GRIK2: variants seen among roughly 807,000 people sequenced by gnomAD.
GRIK2 encodes glutamate receptor ionotropic, kainate 2.
GRIK2 carries 32 observed loss-of-function variants against 100.3 expected under a neutral mutation model. That is an observed-to-expected ratio of 0.32 (90% CI 0.24 to 0.43). The LOEUF is 0.43. Ranked by LOEUF, GRIK2 falls within the 20% of genes least tolerant of loss-of-function variation. GRIK2 has a pLI of 1.00. For missense variants in GRIK2, 843 were observed against 1,114.9 expected (o/e 0.76, Z 3.47); for synonymous variants, 417 against 389.4 (o/e 1.07, Z -0.83).
In GRIK2 at chr6:101,413,580, C is replaced by T. The variant is rs1351908679; in HGVS notation, c.115+14188C>T. ...ACATGCTTGATTATTTTTAGAAATA[C>T]ATTACATGGGGGATCCTAATGAGAT... On this transcript the variant is annotated intron_variant, in intron 2 of 16. Coordinates refer to ENST00000369134, the MANE Select transcript of GRIK2 (RefSeq NM_021956.5). Among the ~76,000 whole-genome samples, 5 of 151,926 alleles carry T rather than the reference C, an allele frequency of 3.3e-5. No individual in the cohort carries two copies. The South Asian group carries it at 8.3e-4, about 25-fold the overall frequency.
intron 14 of GRIK2, among the ~76,000 whole-genome samples, chr6:101,937,328 A>G (rs111688090): frequency 0.01 from 1,590 of 152,216 alleles, 12 homozygotes; most frequent in South Asian, 0.043. Context: ...CAGCTCAAAC[A>G]CTGTGTCCCA....
chr6:101,548,948 A>T (rs1446797091), intron 2 of GRIK2, among the ~76,000 whole-genome samples: 1 of 152,150 alleles, frequency 6.6e-6, no homozygotes, highest in Non-Finnish European at 1.5e-5. Flanking sequence ...TAGATAGTCC[A>T]TGTTCCCTTC....
chr6:101,772,804 C>T (rs890486624), intron 7 of GRIK2, among the ~76,000 whole-genome samples: 4 of 151,910 alleles, frequency 2.6e-5, no homozygotes, highest in Non-Finnish European at 5.9e-5. Context: ...ATAGGAACTA[C>T]TCCAGATGAA....
At chr6:101,494,394 T>C in intron 2 of GRIK2, among the ~76,000 whole-genome samples, 1 of 152,028 alleles carries the variant, frequency 6.6e-6, no homozygotes, top group African/African-American at 2.4e-5. Context: ...AGTTATAATT[T>C]TGGCTAAACT....
intron 2 of GRIK2, among the ~76,000 whole-genome samples, chr6:101,608,247 A>G (rs1018833047): frequency 1.3e-5 from 2 of 151,864 alleles, no homozygotes; most frequent in Non-Finnish European, 2.9e-5. Context: ...CTATTTTATT[A>G]GCCATATATT....
intron 10 of GRIK2, among the ~76,000 whole-genome samples, chr6:101,848,109 T>C (rs1276678385): frequency 6.6e-6 from 1 of 152,094 alleles, no homozygotes. Context: ...CTATGGTGTG[T>C]ATGACCTGCA....
intron 14 of GRIK2, among the ~76,000 whole-genome samples, chr6:101,969,405 C>G (rs552103135): frequency 6.6e-6 from 1 of 151,782 alleles, no homozygotes; most frequent in Non-Finnish European, 1.5e-5. Context: ...TATGTTATTT[C>G]TCAGTGGCTT....
chr6:101,629,694 G>T (rs2786247), intron 4 of GRIK2, among the ~76,000 whole-genome samples: 25,027 of 151,852 alleles, frequency 0.16, 2,159 homozygotes, highest in African/African-American at 0.23. Context: ...TTGTTTATGT[G>T]TCAAAGTCTC....
At chr6:101,889,605 CTTTTTTTTT>C in intron 11 of GRIK2, 26 bp from the exon 12 acceptor site, 1 of 711,240 alleles carries the variant, frequency 1.4e-6, no homozygotes, top group Non-Finnish European at 2.2e-6. Context: ...TTCTTTCTTT[CTTTTTTTTT>C]TTTTTTTGTT....
chr6:101,707,429 C>A (rs1399030117), intron 7 of GRIK2, among the ~76,000 whole-genome samples: 2 of 145,846 alleles, frequency 1.4e-5, no homozygotes, highest in Non-Finnish European at 3.0e-5. Flanking sequence ...TAAATATATT[C>A]TTTTATATAC....
intron 14 of GRIK2, among the ~76,000 whole-genome samples, chr6:101,963,512 T>TC (rs1792455633): frequency 7.2e-6 from 1 of 138,786 alleles, no homozygotes; most frequent in Non-Finnish European, 1.5e-5. Context: ...TTTCTTTCTT[T>TC]TTTTTTTTTT....
At chr6:101,587,226 G>A (rs1237081286) in intron 2 of GRIK2, among the ~76,000 whole-genome samples, 1 of 152,042 alleles carries the variant, frequency 6.6e-6, no homozygotes, top group African/African-American at 2.4e-5. Flanking sequence ...AGAAATATAA[G>A]AGATGGTTTA....
intron 7 of GRIK2, among the ~76,000 whole-genome samples, chr6:101,719,911 C>T (rs1404041444): frequency 6.6e-6 from 1 of 151,404 alleles, no homozygotes; most frequent in Non-Finnish European, 1.5e-5. Context: ...TTTTTTAGGT[C>T]ATACATTTTC....
rs934518206 is a variant in GRIK2 at position 101,898,282 on chromosome 6, A to G, written c.1748+8419A>G. ...GTGACACTAAAGAAAAAATAAATTT[A>G]GAAGAAAATGGAAAACATATTCAGA... is the stretch of plus-strand genomic sequence containing the variant. On this transcript the variant is annotated intron_variant, in intron 12 of 16. Transcript: ENST00000369134. Among the ~76,000 whole-genome samples, 3 of 151,922 alleles carry G rather than the reference A, an allele frequency of 2.0e-5. No homozygotes were observed. The South Asian group carries it at 6.2e-4, about 31-fold the overall frequency.
At chr6:101,987,087 G>A (rs1456430815) in intron 14 of GRIK2, among the ~76,000 whole-genome samples, 3 of 151,878 alleles carry the variant, frequency 2.0e-5, no homozygotes, top group African/African-American at 7.2e-5. Context: ...AATTTGCAAT[G>A]AGCTATGATC....
At chr6:101,546,875 G>A in intron 2 of GRIK2, among the ~76,000 whole-genome samples, 1 of 121,098 alleles carries the variant, frequency 8.3e-6, no homozygotes, top group East Asian at 2.3e-4. Flanking sequence ...CTGTCGCCCA[G>A]GCTGGAGTGC....
chr6:101,864,413 C>T (rs1331807759), intron 11 of GRIK2, among the ~76,000 whole-genome samples: 1 of 152,124 alleles, frequency 6.6e-6, no homozygotes, highest in Non-Finnish European at 1.5e-5. Flanking sequence ...TAATCTCATG[C>T]CTATAAATAC....
chr6:101,529,421 C>A (rs2128284170), intron 2 of GRIK2, among the ~76,000 whole-genome samples: 1 of 151,910 alleles, frequency 6.6e-6, no homozygotes, highest in East Asian at 1.9e-4. Context: ...GGTTTTTCTC[C>A]TTATTCTTTC....
chr6:101,777,419 G>A (rs576802692), intron 7 of GRIK2, among the ~76,000 whole-genome samples: 25 of 152,140 alleles, frequency 1.6e-4, no homozygotes, highest in Non-Finnish European at 2.9e-4. Context: ...CCCAAGGTCA[G>A]GATCTACCTC....
Sources: allele counts gnomAD v4.1 joint callset (sites outside exome capture counted in the v4.1 genomes callset), GRCh38; gene constraint gnomAD v4.1.1; transcripts MANE v1.5; gene names NCBI Gene and HGNC (gene_info 2026-07-23, HGNC 2026-07-21).